Variants in TTC17 observed in about 807,000 individuals in gnomAD.
TTC17 encodes tetratricopeptide repeat protein 17.
TTC17 carries 58 observed loss-of-function variants against 143.8 expected under a neutral mutation model. That is an observed-to-expected ratio of 0.40 (90% confidence interval 0.33 to 0.50). TTC17 has a LOEUF of 0.50. Ranked by LOEUF, TTC17 falls within the 20% of genes least tolerant of loss-of-function variation. TTC17 has a pLI of 0.49. For missense variants in TTC17, 1,273 were observed against 1,392.5 expected, an observed-to-expected ratio of 0.91 and a Z score of 1.37; for synonymous variants, 501 against 497.8, an observed-to-expected ratio of 1.01 and a Z score of -0.09.
intron 1 of TTC17, among the ~76,000 whole-genome samples, chr11:43,371,010 C>T (rs1055682023): frequency 3.6e-5 from 2 of 55,740 alleles, no homozygotes; most frequent in African/African-American, 1.6e-4. Context: ...CTATGTTGTT[C>T]GGGGAGGGGA....
chr11:43,396,620 A>G (rs1857602158), intron 5 of TTC17, 89 bp from the exon 6 acceptor site: 4 of 634,882 alleles, frequency 6.3e-6, no homozygotes, highest in Non-Finnish European at 7.8e-6. Context: ...GAATTTCAGA[A>G]GAGCCAGAAT....
chr11:43,391,398 C>A (rs1857380295), intron 3 of TTC17, 67 bp from the exon 4 acceptor site: 2 of 1,098,752 alleles, frequency 1.8e-6, no homozygotes, highest in Non-Finnish European at 2.7e-6. Context: ...GACCCTTTCT[C>A]TAAATAAATA....
At chr11:43,435,362 G>A (rs1385559912) in intron 16 of TTC17, 1 of 152,186 alleles carries the variant, frequency 6.6e-6, no homozygotes, top group Non-Finnish European at 1.5e-5. Context: ...ATCAAGGGTA[G>A]TCAAAGGAGG....
chr11:43,465,158 A>G (rs1947946333), intron 21 of TTC17, among the ~76,000 whole-genome samples: 1 of 152,352 alleles, frequency 6.6e-6, no homozygotes, highest in East Asian at 1.9e-4. Context: ...ACCATTGCCA[A>G]CTGTAGCCTT....
chr11:43,380,974 A>T (rs186506473), intron 2 of TTC17, among the ~76,000 whole-genome samples: 7,753 of 151,488 alleles, frequency 0.051, 203 homozygotes, highest in African/African-American at 0.064. Flanking sequence ...GCAGAAAAAA[A>T]TTTTTTTTTC....
intron 21 of TTC17, among the ~76,000 whole-genome samples, chr11:43,478,596 T>C (rs1418695118): frequency 6.6e-6 from 1 of 152,040 alleles, no homozygotes; most frequent in East Asian, 1.9e-4. Flanking sequence ...TTCATTATAT[T>C]GTTTTATTTA....
At chr11:43,437,615 G>A (rs970948246) in intron 16 of TTC17, among the ~76,000 whole-genome samples, 6 of 152,142 alleles carry the variant, frequency 3.9e-5, no homozygotes, top group African/African-American at 1.2e-4. Context: ...ATGCTGTATA[G>A]AGTGGTTTTG....
At chr11:43,480,723 T>A (rs768018960) in intron 21 of TTC17, among the ~76,000 whole-genome samples, 3 of 152,200 alleles carry the variant, frequency 2.0e-5, no homozygotes, top group Non-Finnish European at 2.9e-5. Context: ...AAAGCCCTTT[T>A]ATTATGCAGG....
intron 16 of TTC17, among the ~76,000 whole-genome samples, chr11:43,417,009 C>G (rs1040510169): frequency 1.3e-5 from 2 of 152,224 alleles, no homozygotes; most frequent in South Asian, 2.1e-4. Context: ...AATACTGTTA[C>G]CTCCTAATGG....
At chr11:43,386,406 A>C (rs1857170902) in intron 2 of TTC17, among the ~76,000 whole-genome samples, 1 of 152,216 alleles carries the variant, frequency 6.6e-6, no homozygotes, top group Admixed American at 6.5e-5. Context: ...TTGTAACATA[A>C]TGGTAAGTAT....
intron 1 of TTC17, among the ~76,000 whole-genome samples, chr11:43,376,551 A>C (rs762120208): frequency 2.0e-5 from 3 of 152,152 alleles, no homozygotes; most frequent in Non-Finnish European, 4.4e-5. Flanking sequence ...TTGTGTGTTC[A>C]TTATGTCCTT....
intron 21 of TTC17, among the ~76,000 whole-genome samples, chr11:43,458,938 T>C (rs574842344): frequency 6.6e-6 from 1 of 152,222 alleles, no homozygotes; most frequent in Admixed American, 6.5e-5. Flanking sequence ...GGTATGTATA[T>C]AGGAAAAAAT....
intron 22 of TTC17, 69 bp from the exon 23 acceptor site, chr11:43,491,951 A>G: frequency 6.3e-7 from 1 of 1,583,288 alleles, no homozygotes; most frequent in Non-Finnish European, 8.6e-7. Flanking sequence ...ATTCTTTATG[A>G]TCACCAAAAA....
intron 1 of TTC17, chr11:43,370,314 AG>A (rs1856514306): frequency 2.5e-5 from 6 of 243,990 alleles, no homozygotes; most frequent in Admixed American, 2.1e-4. Flanking sequence ...CGCAAACAGA[AG>A]GGTCTCTTAG....
chr11:43,414,123 A>G (rs1946721269), intron 15 of TTC17, among the ~76,000 whole-genome samples: 1 of 152,208 alleles, frequency 6.6e-6, no homozygotes, highest in Non-Finnish European at 1.5e-5. Flanking sequence ...ACTGATGTAT[A>G]CAGAAGCATG....
At chr11:43,391,663 C>T in intron 4 of TTC17, 87 bp downstream of exon 4, 4 of 1,225,392 alleles carry the variant, frequency 3.3e-6, no homozygotes, top group East Asian at 2.6e-5. Flanking sequence ...ATTTCTCTTT[C>T]TTCTCTCCTT....
chr11:43,379,618 C>T (rs957321523), intron 2 of TTC17, among the ~76,000 whole-genome samples: 6 of 152,018 alleles, frequency 3.9e-5, no homozygotes, highest in African/African-American at 1.5e-4. Flanking sequence ...TTTTTTCCAT[C>T]AAATATGAAA....
intron 1 of TTC17, among the ~76,000 whole-genome samples, chr11:43,371,403 G>T (rs1343859987): frequency 6.6e-6 from 1 of 152,142 alleles, no homozygotes; most frequent in Admixed American, 6.5e-5. Context: ...CAATTAATTT[G>T]CCAGAGTGGC....
chr11:43,482,257 AG>A (rs1335928870), intron 21 of TTC17, among the ~76,000 whole-genome samples: 2 of 140,406 alleles, frequency 1.4e-5, no homozygotes, highest in Admixed American at 7.8e-5. Context: ...GGTTTTTAAT[AG>A]TTTTTTTTTT....
Sources: allele counts gnomAD v4.1 joint callset (sites outside exome capture counted in the v4.1 genomes callset), GRCh38; gene constraint gnomAD v4.1.1; transcripts MANE v1.5; gene names NCBI Gene and HGNC (gene_info 2026-07-23, HGNC 2026-07-21).